SLC22A9: variants seen among roughly 807,000 people sequenced by gnomAD.
SLC22A9 encodes organic anion transporter 7.
In SLC22A9, 64 loss-of-function variants were observed where a neutral mutation model predicts 50.1. The observed-to-expected ratio is 1.28, with a 90% confidence interval of 1.04 to 1.57. The LOEUF is 1.57. Ranked by LOEUF, SLC22A9 falls within the 40% of genes most tolerant of loss-of-function variation. SLC22A9 has a pLI of 0.00. For missense variants in SLC22A9, 757 were observed against 676.1 expected, an observed-to-expected ratio of 1.12 and a Z score of -1.33; for synonymous variants, 261 against 242.5, an observed-to-expected ratio of 1.08 and a Z score of -0.71.
chr11:63,381,992 C>A (rs969475208), intron 5 of SLC22A9, among the ~76,000 whole-genome samples, 167 bp from the exon 6 acceptor site: 11 of 152,138 alleles, frequency 7.2e-5, no homozygotes, highest in Admixed American at 3.3e-4. Flanking sequence ...CGTCCTAATT[C>A]ACTTTTCACA....
At chr11:63,379,983 T>C (rs1020764308) in intron 5 of SLC22A9, among the ~76,000 whole-genome samples, 1 of 152,040 alleles carries the variant, frequency 6.6e-6, no homozygotes, top group Non-Finnish European at 1.5e-5. Context: ...CCACCTGCCT[T>C]GGCCTCCCAA....
chr11:63,377,655 G>C (rs1203420136), intron 5 of SLC22A9, among the ~76,000 whole-genome samples: 1 of 151,902 alleles, frequency 6.6e-6, no homozygotes, highest in Non-Finnish European at 1.5e-5. Context: ...ACTAGAAAAA[G>C]AAGAGCAAAC....
intron 6 of SLC22A9, among the ~76,000 whole-genome samples, chr11:63,395,397 T>G (rs1262677220): frequency 6.6e-6 from 1 of 152,140 alleles, no homozygotes; most frequent in East Asian, 1.9e-4. Flanking sequence ...GTTCAGGTTA[T>G]TTTGTCCCAT....
chr11:63,382,377 C>A, intron 6 of SLC22A9, 100 bp downstream of exon 6: 1 of 817,214 alleles, frequency 1.2e-6, no homozygotes, highest in Non-Finnish European at 1.9e-6. Context: ...CAGATTTGCA[C>A]ATAAAAGATG....
chr11:63,372,424 T>C (rs73483770), intron 2 of SLC22A9, among the ~76,000 whole-genome samples: 2,384 of 152,204 alleles, frequency 0.016, 57 homozygotes, highest in African/African-American at 0.055. Flanking sequence ...CTGTCTGCAA[T>C]AAGGTGAATT....
intron 5 of SLC22A9, among the ~76,000 whole-genome samples, chr11:63,378,938 A>G (rs1373611323): frequency 6.6e-6 from 1 of 152,210 alleles, no homozygotes; most frequent in Non-Finnish European, 1.5e-5. Flanking sequence ...AAATGGCCAT[A>G]CACCCAAAGC....
chr11:63,408,048 A>G (rs1051734648), intron 7 of SLC22A9, 64 bp from the exon 8 acceptor site: 15 of 1,349,462 alleles, frequency 1.1e-5, no homozygotes, highest in African/African-American at 4.3e-5. Flanking sequence ...TTTCACTTCT[A>G]CCTTGGGGAT....
chr11:63,408,834 C>G lies in SLC22A9; in HGVS notation c.1556C>G (p.Thr519Ser), dbSNP rs1388314266. Residue 519 changes from threonine to serine, a missense_variant, in exon 9 of 10, where the codon ACC becomes AGC. By Grantham distance (58) the Thr-to-Ser change is moderately conservative (BLOSUM62 1). Transcript: ENST00000279178. ...TTTGCTTTCCTCCTCCTTCCTGAAACCAGGAACAAGCCTCTGTTTGACACC... is the reference window on the plus strand; with the variant it reads ...TTTGCTTTCCTCCTCCTTCCTGAAAGCAGGAACAAGCCTCTGTTTGACACC... ...SGFAFLLLPE[T>S]RNKPLFDTIQ... 7 of 1,613,830 alleles carry G rather than the reference C, an allele frequency of 4.3e-6. No individual in the cohort carries two copies. The highest frequency in any genetic ancestry group is 4.0e-5 in the African/African-American group (3 of 74,892).
intron 5 of SLC22A9, among the ~76,000 whole-genome samples, chr11:63,376,319 A>T (rs2014460367): frequency 6.6e-6 from 1 of 152,092 alleles, no homozygotes; most frequent in Admixed American, 6.6e-5. Context: ...CATTATACTT[A>T]CTTACTATAA....
intron 9 of SLC22A9, 90 bp downstream of exon 9, chr11:63,408,969 TC>T: frequency 7.3e-7 from 1 of 1,362,736 alleles, no homozygotes; most frequent in Non-Finnish European, 1.0e-6. Flanking sequence ...GCCACTGTCC[TC>T]TCAAAAGGCT....
intron 6 of SLC22A9, among the ~76,000 whole-genome samples, chr11:63,382,967 C>T (rs374114414): frequency 1.3e-5 from 2 of 152,192 alleles, no homozygotes; most frequent in South Asian, 4.1e-4. Flanking sequence ...CCTATGACCG[C>T]TCCCTCATAG....
At position 63,370,208 on chromosome 11, in the gene SLC22A9, T is replaced by A. The variant is rs1396653344; in HGVS notation, c.152T>A (p.Val51Asp). 4 of 1,613,896 alleles carry A rather than the reference T, an allele frequency of 2.5e-6. No homozygotes were observed. Among genetic ancestry groups the A allele is most frequent in the Non-Finnish European group, 3.4e-6 (4 of 1,179,920 alleles). ...TAFIPGHRCWVHILDNDTVSD... is the reference protein window; with the variant it reads ...TAFIPGHRCWDHILDNDTVSD... ...TTCATACCTGGCCATCGCTGCTGGGTCCACATCCTGGACAATGACACTGTC... is the reference window on the plus strand; with the variant it reads ...TTCATACCTGGCCATCGCTGCTGGGACCACATCCTGGACAATGACACTGTC... Residue 51 changes from valine (V) to aspartate (D), a missense_variant, in exon 1 of 10, where the codon GTC becomes GAC. Coordinates refer to ENST00000279178, the MANE Select transcript of SLC22A9 (RefSeq NM_080866.3).
intron 2 of SLC22A9, among the ~76,000 whole-genome samples, chr11:63,372,175 C>G (rs766922667): frequency 6.6e-6 from 1 of 152,046 alleles, no homozygotes; most frequent in Non-Finnish European, 1.5e-5. Flanking sequence ...GGAGAATCAG[C>G]TAAAGACGAA....
intron 7 of SLC22A9, among the ~76,000 whole-genome samples, chr11:63,407,475 C>T (rs1384003070): frequency 6.6e-6 from 1 of 152,120 alleles, no homozygotes; most frequent in Non-Finnish European, 1.5e-5. Context: ...AGCAACAGCA[C>T]CCTCCAATGT....
chr11:63,396,311 A>C (rs2014855497), intron 6 of SLC22A9, among the ~76,000 whole-genome samples: 1 of 152,070 alleles, frequency 6.6e-6, no homozygotes, highest in African/African-American at 2.4e-5. Flanking sequence ...ACAGCCCCCC[A>C]CAAAGTGCCA....
chr11:63,376,388 C>A (rs1424878562), intron 5 of SLC22A9, among the ~76,000 whole-genome samples: 4 of 152,082 alleles, frequency 2.6e-5, no homozygotes, highest in South Asian at 2.1e-4. Context: ...TTTTAATCCA[C>A]CCCAGATCTT....
At chr11:63,406,463 T>C (rs1445482226) in intron 6 of SLC22A9, 34 bp from the exon 7 acceptor site, 3 of 1,580,644 alleles carry the variant, frequency 1.9e-6, no homozygotes, top group Non-Finnish European at 2.6e-6. Flanking sequence ...CTCCACAGAT[T>C]ATAATATGTT....
Position 63,371,172 on chromosome 11 carries a change from T to C in SLC22A9, c.440T>C (p.Val147Ala), listed in dbSNP as rs776190125. 2 of 1,613,488 alleles carry C rather than the reference T, an allele frequency of 1.2e-6. No homozygotes were observed. Among genetic ancestry groups the C allele is most frequent in the Non-Finnish European group, 1.7e-6 (2 of 1,179,568 alleles). ...LVCDSQSLTS[V>A]AKFVFMAGMM... ...TGTGACTCTCAATCACTGACTTCAG[T>C]GGCTAAATTTGTATTCATGGCTGGA... The change falls in exon 2 of 10, where the codon GTG becomes GCG. Residue 147 changes from valine to alanine, a missense_variant. Coordinates refer to ENST00000279178, the MANE Select transcript of SLC22A9 (RefSeq NM_080866.3).
intron 6 of SLC22A9, among the ~76,000 whole-genome samples, chr11:63,395,535 C>G (rs937184790): frequency 6.6e-6 from 1 of 152,134 alleles, no homozygotes; most frequent in Admixed American, 6.5e-5. Flanking sequence ...TGGGCTGGTA[C>G]TGGGGATTGT....
Sources: gnomAD v4.1 joint callset for allele counts (sites outside exome capture counted in the v4.1 genomes callset) on GRCh38, gnomAD v4.1.1 for gene constraint, MANE v1.5 for transcripts, NCBI Gene and HGNC (gene_info 2026-07-23, HGNC 2026-07-21) for gene names.